DIDO1: variants seen among roughly 807,000 people sequenced by gnomAD.
DIDO1 encodes the protein death-inducer obliterator 1.
DIDO1 carries 16 observed loss-of-function variants against 99.4 expected under a neutral mutation model. The ratio of observed to expected loss-of-function variants is 0.16; its 90% CI spans 0.11 to 0.24. The LOEUF (loss-of-function observed/expected upper bound fraction) is 0.24, where lower values mean the gene tolerates loss of function less well. DIDO1 is among the 10% of genes least tolerant of loss of function. DIDO1 has a pLI of 1.00. For missense variants in DIDO1, 2,996 were observed against 3,014.0 expected (o/e 0.99, Z 0.14); for synonymous variants, 1,366 against 1,239.1 (o/e 1.10, Z -2.15).
chr20:62,894,500 G>A lies in DIDO1; in HGVS notation c.2485C>T (p.Leu829Phe), dbSNP rs2064472059. 1 of 1,613,196 alleles carries A rather than the reference G, an allele frequency of 6.2e-7. No homozygotes were observed. Among genetic ancestry groups the A allele is most frequent in the South Asian group, 1.1e-5 (1 of 91,070 alleles). Residue 829 changes from leucine (L) to phenylalanine (F), a missense_variant, in exon 11 of 16, where the codon CTT becomes TTT. This residue lies in a region of DIDO1 where 898 missense variants were observed against 972.7 expected (regional missense o/e 0.92). Transcript: ENST00000395343. The surrounding 1 kb of genome is among the most constrained non-coding windows in gnomAD (Gnocchi z 4.4). ...RAVPEKSTAPLLDVFSSMLKD... is the reference protein window; with the variant it reads ...RAVPEKSTAPFLDVFSSMLKD... ...AACATGCTGCTGAAGACGTCGAGAAGCGGCGCTGTGCTCTTCTCAGGGACA... is the reference window on the plus strand; with the variant it reads ...AACATGCTGCTGAAGACGTCGAGAAACGGCGCTGTGCTCTTCTCAGGGACA...
At chr20:62,895,680 CG>C (rs1346188672) in intron 8 of DIDO1, among the ~76,000 whole-genome samples, 8 of 152,312 alleles carry the variant, frequency 5.3e-5, no homozygotes, top group Non-Finnish European at 1.0e-4. Flanking sequence ...GCTGTCAGCC[CG>C]GCGGCCTATC....
rs112368850 is a variant in DIDO1, at chr20:62,910,230, A to C, written c.840-210T>G. Among the ~76,000 whole-genome samples, 103 of 152,276 alleles carry C rather than the reference A, an allele frequency of 6.8e-4. 1 individual carries two copies. Among genetic ancestry groups the C allele is most frequent in the African/African-American group, 2.0e-3 (85 of 41,552 alleles). On this transcript the variant is annotated intron_variant, in intron 3 of 15. Transcript: ENST00000395343. Reference sequence around the variant, plus strand: ...TAAGAGTAGCGCATTTTAGGAGCAAACTCTAAGGCATTCCACCACAGATAC... The same window carrying C: ...TAAGAGTAGCGCATTTTAGGAGCAACCTCTAAGGCATTCCACCACAGATAC...
chr20:62,903,376 C>T (rs539563030), intron 6 of DIDO1, among the ~76,000 whole-genome samples: 4 of 152,298 alleles, frequency 2.6e-5, no homozygotes, highest in African/African-American at 9.6e-5. Context: ...AGCTCCACCA[C>T]GTGGGTCTTC....
intron 1 of DIDO1, among the ~76,000 whole-genome samples, chr20:62,934,877 G>A (rs533353901): frequency 3.9e-5 from 6 of 152,256 alleles, no homozygotes; most frequent in South Asian, 2.1e-4. Context: ...CAGACCCCCC[G>A]GCCACTTTCT....
At chr20:62,935,364 G>T (rs6090171) in intron 1 of DIDO1, among the ~76,000 whole-genome samples, 4 of 152,086 alleles carry the variant, frequency 2.6e-5, no homozygotes, top group Middle Eastern at 3.4e-3. Context: ...TTACGATTTA[G>T]CCATAATCAA....
intron 1 of DIDO1, among the ~76,000 whole-genome samples, chr20:62,921,907 AATAT>A (rs899716630): frequency 2.0e-5 from 3 of 149,534 alleles, no homozygotes; most frequent in African/African-American, 7.5e-5. Flanking sequence ...ATATATCCAC[AATAT>A]ATATACACTA....
chr20:62,901,985 T>C (rs576503165), intron 6 of DIDO1, among the ~76,000 whole-genome samples: 2 of 151,496 alleles, frequency 1.3e-5, no homozygotes, highest in Admixed American at 6.6e-5. Context: ...CTTTAGACTA[T>C]GAGTAGATCC....
At chr20:62,897,285 C>A (rs182655172) in intron 6 of DIDO1, among the ~76,000 whole-genome samples, 2 of 152,330 alleles carry the variant, frequency 1.3e-5, no homozygotes, top group Non-Finnish European at 2.9e-5. Flanking sequence ...GCTTGACTTG[C>A]GCACTAGCTA....
intron 13 of DIDO1, among the ~76,000 whole-genome samples, chr20:62,892,494 C>G (rs1234127608): frequency 1.3e-5 from 2 of 152,204 alleles, no homozygotes; most frequent in African/African-American, 2.4e-5. Context: ...AAAGCAGGCT[C>G]CGAACACCTG....
chr20:62,932,821 A>T (rs2065344542), intron 1 of DIDO1, among the ~76,000 whole-genome samples: 2 of 152,262 alleles, frequency 1.3e-5, no homozygotes, highest in Admixed American at 1.3e-4. Context: ...GGGAAATAAA[A>T]TCAGGCAAAA....
intron 1 of DIDO1, among the ~76,000 whole-genome samples, chr20:62,922,486 G>C (rs1376349628): frequency 6.6e-6 from 1 of 152,120 alleles, no homozygotes; most frequent in African/African-American, 2.4e-5. Context: ...TTCAACCCCA[G>C]CTGCAAACGA....
rs2064467420 is a variant in DIDO1 at position 62,894,325 on chromosome 20, G to A, written c.2572+88C>T. On this transcript the variant is annotated intron_variant, in intron 11 of 15. Transcript: ENST00000395343. This position sits in a 1 kb window ranked among gnomAD's most constrained non-coding sequence, Gnocchi z 4.4. ...GGCCCTTCTGCGTGTTTAAGCTTAC[G>A]TGCGGTTGCTTTTAGGAGGTTCAGT... The A allele has an allele frequency of 4.0e-5, 63 of 1,585,136 alleles. No individual in the cohort carries two copies. The highest frequency in any genetic ancestry group is 4.5e-5 in the Non-Finnish European group (53 of 1,166,244).
chr20:62,931,100 C>G (rs2065328234), upstream of DIDO1, among the ~76,000 whole-genome samples: 1 of 152,206 alleles, frequency 6.6e-6, no homozygotes, highest in Non-Finnish European at 1.5e-5. Context: ...GCCACCACAA[C>G]TGGCTAGTTT....
At position 62,894,503 on chromosome 20, in the gene DIDO1, G is replaced by GTAGGAAGGAAGAGTC; in HGVS notation, c.2481_2482insGACTCTTCCTTCCTA (p.Ala827_Pro828insAspSerSerPheLeu). 6.2e-7 allele frequency: 1 copy of GTAGGAAGGAAGAGTC among 1,613,200 alleles called. No homozygotes were observed. The highest frequency in any genetic ancestry group is 8.5e-7 in the Non-Finnish European group (1 of 1,180,026). ...ATGCTGCTGAAGACGTCGAGAAGCG[G>GTAGGAAGGAAGAGTC]CGCTGTGCTCTTCTCAGGGACAGCA... On this transcript the variant is annotated inframe_insertion, in exon 11 of 16. Transcript: ENST00000395343. The surrounding 1 kb of genome is among the most constrained non-coding windows in gnomAD (Gnocchi z 4.4).
rs368798067 is a variant in DIDO1, at chr20:62,890,923, G to C, written c.3541+37C>G. 99 of 1,612,540 alleles carry C rather than the reference G, an allele frequency of 6.1e-5. 1 individual carries two copies. The African/African-American group carries it at 8.8e-4, about 14-fold the overall frequency. ...CAGTGGGAGGAGGGGTGCAGGTGCA[G>C]GTGGGCCTCACCTCCACCCAGAAAG... On this transcript the variant is annotated intron_variant, in intron 15 of 15. Coordinates refer to ENST00000395343, the MANE Select transcript of DIDO1 (RefSeq NM_001193369.2).
At chr20:62,882,906 A>G (rs1346137143) in intron 15 of DIDO1, among the ~76,000 whole-genome samples, 1 of 146,158 alleles carries the variant, frequency 6.8e-6, no homozygotes, top group Non-Finnish European at 1.5e-5. Flanking sequence ...CAGGAAGGTA[A>G]CAAACAGCCT....
chr20:62,912,300 T>C (rs182463149), intron 2 of DIDO1, among the ~76,000 whole-genome samples: 1 of 152,252 alleles, frequency 6.6e-6, no homozygotes, highest in South Asian at 2.1e-4. Flanking sequence ...GCCTAACTCC[T>C]GACCCAACAG....
chr20:62,894,766 G>A lies in DIDO1; in HGVS notation c.2436+44C>T. The A allele has an allele frequency of 6.4e-7, 1 of 1,571,190 alleles. No homozygotes were observed. On this transcript the variant is annotated intron_variant, in intron 10 of 15. Transcript: ENST00000395343. This position sits in a 1 kb window ranked among gnomAD's most constrained non-coding sequence, Gnocchi z 4.4. ...AGATAACCTCAAAACATTTGGGATG[G>A]ATTAGTCTATTCTCGGTGAACACAA...
At chr20:62,929,425 C>T, upstream of DIDO1, 1 of 152,382 alleles carries the variant, frequency 6.6e-6, no homozygotes, top group Non-Finnish European at 1.5e-5. Flanking sequence ...AGGATTCTTG[C>T]AGACCTCTGC....
Sources: gnomAD v4.1 joint callset for allele counts (sites outside exome capture counted in the v4.1 genomes callset) on GRCh38, gnomAD v4.1.1 for gene constraint, gnomAD v4.1.1 regional missense constraint, Gnocchi (gnomAD v3.1) non-coding constraint, MANE v1.5 for transcripts, NCBI Gene and HGNC (gene_info 2026-07-23, HGNC 2026-07-21) for gene names.